RNF128: variants seen among roughly 807,000 people sequenced by gnomAD.
RNF128 encodes E3 ubiquitin-protein ligase RNF128.
In RNF128, 13 loss-of-function variants were observed where a neutral mutation model predicts 26.2. The ratio of observed to expected loss-of-function variants is 0.50; its 90% CI spans 0.32 to 0.79. The LOEUF (loss-of-function observed/expected upper bound fraction) is 0.79, where lower values mean the gene tolerates loss of function less well. Ranked by LOEUF, RNF128 falls within the 30% of genes least tolerant of loss-of-function variation. The pLI is 0.03. For synonymous variants in RNF128, 149 were observed against 142.5 expected, an observed-to-expected ratio of 1.05 and a Z score of -0.32; for missense variants, 315 against 349.7, an observed-to-expected ratio of 0.90 and a Z score of 0.79.
In RNF128 at chrX:106,727,002, G is replaced by C. The variant is rs769948985; in HGVS notation, c.89G>C (p.Ser30Thr). Residue 30 changes from serine to threonine, a missense_variant, in exon 1 of 7, where the codon AGT (serine) becomes ACT (threonine). Ser to Thr is a moderately conservative substitution (Grantham distance 58). Transcript: ENST00000255499. ...GCATGGTGCTTCCTGCTGGCCCTGA[G>C]TCCGCAGGCACCCGGTTCCCGGGGG... ...LLAWCFLLAL[S>T]PQAPGSRGAE... 2 of 1,205,187 alleles carry C rather than the reference G, an allele frequency of 1.7e-6. No individual in the cohort carries two copies. Among genetic ancestry groups the C allele is most frequent in the Admixed American group, 2.2e-5 (1 of 45,298 alleles).
rs950279501 is a variant in RNF128 at position 106,744,180 on chromosome X, C to T, written c.484+16783C>T. ...CGAGTTAGTGGGTGCAGCACACCAA[C>T]ATGGCACATGTATACATATGTAACA... On this transcript the variant is annotated intron_variant, in intron 1 of 6. Transcript: ENST00000255499. 1.1e-4 allele frequency among the ~76,000 whole-genome samples: 12 copies of T among 111,317 alleles called. No individual in the cohort carries two copies. In the South Asian group the frequency reaches 1.2e-3, roughly 11 times the overall value.
intron 1 of RNF128, among the ~76,000 whole-genome samples, chrX:106,697,854 A>G (rs1407291225): frequency 9.2e-6 from 1 of 109,224 alleles, no homozygotes; most frequent in Non-Finnish European, 1.9e-5. Context: ...TCAGTTTCCT[A>G]ATTTGCTCTT....
At chrX:106,750,211 A>C (rs1256461070) in intron 1 of RNF128, among the ~76,000 whole-genome samples, 3 of 112,233 alleles carry the variant, frequency 2.7e-5, no homozygotes, top group Admixed American at 1.9e-4. Flanking sequence ...ACTGGCACAC[A>C]CTACACATTA....
chrX:106,726,971 T>TTGCTGGCATGGTGCTTCC lies in RNF128; in HGVS notation c.66_83dup (p.Trp23_Ala28dup). 1.7e-6 allele frequency: 2 copies of TTGCTGGCATGGTGCTTCC among 1,195,407 alleles called. No individual in the cohort carries two copies. The highest frequency in any genetic ancestry group is 4.6e-5 in the Admixed American group (2 of 43,552). On this transcript the variant is annotated inframe_insertion, in exon 1 of 7. Coordinates refer to ENST00000255499, the MANE Select transcript of RNF128 (RefSeq NM_194463.2). ...CCGCGGTGGCTGCGGCTTTTCCAGATTGCTGGCATGGTGCTTCCTGCTGGC... is the reference window on the plus strand; with the variant it reads ...CCGCGGTGGCTGCGGCTTTTCCAGATTGCTGGCATGGTGCTTCCTGCTGGCATGGTGCTTCCTGCTGGC...
chrX:106,702,161 A>G (rs1241280212), intron 1 of RNF128, among the ~76,000 whole-genome samples: 12 of 111,124 alleles, frequency 1.1e-4, no homozygotes, highest in Middle Eastern at 4.6e-3. Flanking sequence ...TTATAAGGAA[A>G]TCAAGATATA....
chrX:106,694,410 TAAG>T, intron 1 of RNF128: 2 of 1,166,801 alleles, frequency 1.7e-6, no homozygotes, highest in Non-Finnish European at 2.3e-6. Context: ...CAAATTTTGG[TAAG>T]TAATAATTGA....
intron 1 of RNF128, among the ~76,000 whole-genome samples, chrX:106,706,141 A>G (rs753236963): frequency 5.4e-5 from 6 of 111,212 alleles, no homozygotes; most frequent in Non-Finnish European, 9.4e-5. Flanking sequence ...TAGGGTATGA[A>G]CCCCTGGGTT....
intron 1 of RNF128, among the ~76,000 whole-genome samples, chrX:106,698,504 G>A (rs1310155557): frequency 9.0e-6 from 1 of 111,521 alleles, no homozygotes; most frequent in African/African-American, 3.3e-5. Context: ...TATAAATGAA[G>A]TGAGAAGATG....
intron 1 of RNF128, among the ~76,000 whole-genome samples, chrX:106,737,460 A>G (rs1929619180): frequency 9.0e-6 from 1 of 111,393 alleles, no homozygotes; most frequent in African/African-American, 3.3e-5. Context: ...ATCTCCTCCT[A>G]TGTGCTTTAA....
intron 1 of RNF128, among the ~76,000 whole-genome samples, chrX:106,709,465 A>G (rs1226802400): frequency 8.9e-6 from 1 of 112,088 alleles, no homozygotes; most frequent in Non-Finnish European, 1.9e-5. Flanking sequence ...TGTGCCATTT[A>G]AATGTAATTA....
At chrX:106,786,562 A>G (rs1930661831) in intron 3 of RNF128, among the ~76,000 whole-genome samples, 1 of 111,651 alleles carries the variant, frequency 9.0e-6, no homozygotes, top group African/African-American at 3.2e-5. Context: ...TTTCTTAGAT[A>G]TAACTCCAAA....
chrX:106,726,889 T>C lies in RNF128; in HGVS notation c.-25T>C, dbSNP rs1270811260. On this transcript the variant is annotated 5_prime_UTR_variant, in exon 1 of 7. Coordinates refer to ENST00000255499, the MANE Select transcript of RNF128 (RefSeq NM_194463.2). ...CTAGGAGGGCGCGTGCCAGGGGCGC[T>C]AGGGAACTGCGGAGCGCGCGCGCCA... The C allele has an allele frequency of 8.7e-7, 1 of 1,153,322 alleles. No homozygotes were observed. The highest frequency in any genetic ancestry group is 1.2e-6 in the Non-Finnish European group (1 of 869,020).
In RNF128 at chrX:106,751,079, A is replaced by G. The variant is rs779674011; in HGVS notation, c.485-21834A>G. Among the ~76,000 whole-genome samples, 3 of 111,757 alleles carry G rather than the reference A, an allele frequency of 2.7e-5. No homozygotes were observed. The South Asian group carries it at 1.1e-3, about 43-fold the overall frequency. On this transcript the variant is annotated intron_variant, in intron 1 of 6. Coordinates refer to ENST00000255499, the MANE Select transcript of RNF128 (RefSeq NM_194463.2). ...TCCCCTCCATAGGAACACCAAATTG[A>G]ACAACTCCCCACACAAGAAAGCATC...
At position 106,796,707 on chromosome X, in the gene RNF128, G is replaced by A. The variant is rs763923095; in HGVS notation, c.*994G>A. The stretch of plus-strand genomic sequence containing the variant: ...ATTTTCCTGGTGTTTGAAAAAGAAG[G>A]GGGGGAGAATTCCAGGTGCCTTAAT... On this transcript the variant is annotated 3_prime_UTR_variant, in exon 7 of 7. Coordinates refer to ENST00000255499, the MANE Select transcript of RNF128 (RefSeq NM_194463.2). 1 of 111,310 alleles carries A rather than the reference G, an allele frequency of 9.0e-6. No homozygotes were observed. The highest frequency in any genetic ancestry group is 1.9e-5 in the Non-Finnish European group (1 of 52,886). The allele number at this position is 111,310 out of a possible 1,213,427, so 9.2% of individuals were successfully genotyped here.
chrX:106,759,737 A>G (rs1195893721), intron 1 of RNF128, among the ~76,000 whole-genome samples: 2 of 111,864 alleles, frequency 1.8e-5, no homozygotes, highest in African/African-American at 6.5e-5. Context: ...CTAAAATTTT[A>G]AACAGTTGGA....
chrX:106,712,036 T>C (rs1053347314), intron 1 of RNF128, among the ~76,000 whole-genome samples: 2 of 112,541 alleles, frequency 1.8e-5, no homozygotes, highest in Non-Finnish European at 3.8e-5. Flanking sequence ...ATGCTAAGTT[T>C]TGCCATTAAT....
intron 1 of RNF128, among the ~76,000 whole-genome samples, chrX:106,717,666 G>C (rs1402517870): frequency 8.9e-6 from 1 of 112,037 alleles, no homozygotes; most frequent in Non-Finnish European, 1.9e-5. Context: ...CTCCAAAATA[G>C]AAAATTATAA....
At chrX:106,751,323 A>G (rs1569440788) in intron 1 of RNF128, among the ~76,000 whole-genome samples, 1 of 110,806 alleles carries the variant, frequency 9.0e-6, no homozygotes, top group Non-Finnish European at 1.9e-5. Context: ...ACTCAGTGCT[A>G]CCCTGTCACA....
chrX:106,705,942 A>C (rs1260845699), intron 1 of RNF128, among the ~76,000 whole-genome samples: 4 of 111,976 alleles, frequency 3.6e-5, no homozygotes, highest in African/African-American at 1.3e-4. Context: ...TGTTGGTTAG[A>C]AGAAGGAGTG....
Sources: gnomAD v4.1 joint callset for allele counts (sites outside exome capture counted in the v4.1 genomes callset) on GRCh38, gnomAD v4.1.1 for gene constraint, MANE v1.5 for transcripts, NCBI Gene and HGNC (gene_info 2026-07-23, HGNC 2026-07-21) for gene names.